Variants in CBFA2T3 observed in about 807,000 individuals in gnomAD.
CBFA2T3 encodes the protein transcriptional corepressor CBFA2T3.
A neutral mutation model predicts 58.6 loss-of-function variants in CBFA2T3; 31 were observed. That is an observed-to-expected ratio of 0.53 (90% confidence interval 0.40 to 0.71). CBFA2T3 has a LOEUF of 0.71. Among genes scored for constraint, CBFA2T3 ranks in the 30% least tolerant of loss-of-function variants. CBFA2T3 has a pLI of 0.00. For synonymous variants in CBFA2T3, 531 were observed against 421.9 expected (o/e 1.26, Z -3.17); for missense variants, 1,076 against 963.1 (o/e 1.12, Z -1.55).
chr16:88,878,771 C>A (rs1342151919), intron 11 of CBFA2T3, among the ~76,000 whole-genome samples: 1 of 152,224 alleles, frequency 6.6e-6, no homozygotes, highest in Admixed American at 6.5e-5. Context: ...CGTGGCAAAA[C>A]CCCATCTCTA....
chr16:88,915,332 C>T (rs55979336), intron 1 of CBFA2T3, among the ~76,000 whole-genome samples: 2,312 of 116,898 alleles, frequency 0.02, 182 homozygotes, highest in African/African-American at 0.074. Context: ...TGAGTGAATT[C>T]TCCAGTCTGA....
chr16:88,972,845 G>A (rs566849629), intron 1 of CBFA2T3, among the ~76,000 whole-genome samples: 1 of 152,356 alleles, frequency 6.6e-6, no homozygotes, highest in South Asian at 2.1e-4. Flanking sequence ...GGGTGCTGGG[G>A]ACCTTGGGAT....
Position 88,877,247 on chromosome 16 carries a change from C to A in CBFA2T3, c.1691G>T (p.Ser564Ile). The change falls in exon 12 of 12, where the codon AGT becomes ATT. Residue 564 changes from serine (S) to isoleucine (I), a missense_variant. Ser to Ile is a moderately radical substitution (Grantham distance 142). Transcript: ENST00000268679. Reference sequence around the variant, plus strand: ...CGCGTTGCAGCCGCTGCACGTCTCACTGGCTTTCCGCCCGCAGTTCCAGCA... The same window carrying A: ...CGCGTTGCAGCCGCTGCACGTCTCAATGGCTTTCCGCCCGCAGTTCCAGCA... The part of the protein sequence containing the change: ...ESCWNCGRKA[S>I]ETCSGCNAAR... 1 of 1,554,128 alleles carries A rather than the reference C, an allele frequency of 6.4e-7. No individual in the cohort carries two copies. Among genetic ancestry groups the A allele is most frequent in the Non-Finnish European group, 8.7e-7 (1 of 1,149,470 alleles).
At position 88,977,186 on chromosome 16, in the gene CBFA2T3, T is replaced by G. The variant is rs1411221978; in HGVS notation, c.-379A>C. 2 of 269,432 alleles carry G rather than the reference T, an allele frequency of 7.4e-6. No individual in the cohort carries two copies. The highest frequency in any genetic ancestry group is 1.1e-4 in the South Asian group (1 of 9,150). The allele number at this position is 269,432 out of a possible 1,614,324, so 16.7% of individuals were successfully genotyped here. On this transcript the variant is annotated 5_prime_UTR_variant, in exon 1 of 12. Coordinates refer to ENST00000268679, the MANE Select transcript of CBFA2T3 (RefSeq NM_005187.6). Reference sequence around the variant, plus strand: ...ATCTGGGGCCCTGCCCTGCGCGGCCTTCCCTCGGGCCATTCCGGTTTGACC... The same window carrying G: ...ATCTGGGGCCCTGCCCTGCGCGGCCGTCCCTCGGGCCATTCCGGTTTGACC...
At position 88,976,797 on chromosome 16, in the gene CBFA2T3, G is replaced by A. The variant is rs774055332; in HGVS notation, c.11C>T (p.Ser4Leu). 110 of 1,553,716 alleles carry A rather than the reference G, an allele frequency of 7.1e-5. No homozygotes were observed. The highest frequency in any genetic ancestry group is 8.9e-5 in the Non-Finnish European group (102 of 1,148,018). MPA[S>L]RLRDRAASSA... ...ACTGGCTGCCCTGTCCCTCAGTCTT[G>A]AAGCCGGCATGAGGAGGGCCACCCT... Residue 4 changes from serine to leucine, a missense_variant, in exon 1 of 12, where the codon TCA becomes TTA. Ser to Leu is a moderately radical substitution (Grantham distance 145). Coordinates refer to ENST00000268679, the MANE Select transcript of CBFA2T3 (RefSeq NM_005187.6).
At chr16:88,896,519 C>T (rs964977031) in intron 3 of CBFA2T3, among the ~76,000 whole-genome samples, 2 of 152,158 alleles carry the variant, frequency 1.3e-5, no homozygotes, top group African/African-American at 4.8e-5. Flanking sequence ...AGCCTCTGTC[C>T]GGAGGACCCC....
rs755014831 is a variant in CBFA2T3 at position 88,877,182 on chromosome 16, C to T, written c.1756G>A (p.Glu586Lys). Residue 586 changes from glutamate to lysine, a missense_variant, in exon 12 of 12, where the codon GAG (glutamate) becomes AAG (lysine). Coordinates refer to ENST00000268679, the MANE Select transcript of CBFA2T3 (RefSeq NM_005187.6). Reference protein sequence around the residue: ...CGSFCQHRDWEKHHHVCGQSL... With the variant: ...CGSFCQHRDWKKHHHVCGQSL... ...TGGCCACACACGTGGTGATGCTTCTCCCAGTCCCGATGCTGGCAGAAGGAC... is the reference window on the plus strand; with the variant it reads ...TGGCCACACACGTGGTGATGCTTCTTCCAGTCCCGATGCTGGCAGAAGGAC... The T allele has an allele frequency of 1.3e-6, 2 of 1,553,792 alleles. No homozygotes were observed. The highest frequency in any genetic ancestry group is 1.7e-6 in the Non-Finnish European group (2 of 1,149,160).
chr16:88,885,076 G>T lies in CBFA2T3; in HGVS notation c.1087C>A (p.Arg363=). The part of the protein sequence containing the change: ...FRDAYRHPDP[R]ELRERHRPLV... ...GGCCGATGGCGCTCTCGTAGCTCCC[G>T]GGGGTCTGGGTGGCGGTAGGCATCT... The change falls in exon 7 of 12, where the codon CGG becomes AGG. Residue 363 remains arginine, a synonymous_variant. Coordinates refer to ENST00000268679, the MANE Select transcript of CBFA2T3 (RefSeq NM_005187.6). The surrounding 1 kb of genome is among the most constrained non-coding windows in gnomAD (Gnocchi z 5.3). 1 of 1,601,192 alleles carries T rather than the reference G, an allele frequency of 6.2e-7. No individual in the cohort carries two copies.
chr16:88,915,002 G>A (rs1970646123), intron 1 of CBFA2T3, among the ~76,000 whole-genome samples: 1 of 149,024 alleles, frequency 6.7e-6, no homozygotes, highest in Non-Finnish European at 1.5e-5. Flanking sequence ...GTGGCTGCCA[G>A]CCGGGGGCAG....
intron 1 of CBFA2T3, among the ~76,000 whole-genome samples, chr16:88,930,522 G>C (rs1038371029): frequency 2.0e-5 from 3 of 151,788 alleles, no homozygotes; most frequent in African/African-American, 7.3e-5. Context: ...AGGGAAGGAG[G>C]CTCCCCACTA....
intron 1 of CBFA2T3, among the ~76,000 whole-genome samples, chr16:88,905,696 AGGAGGGGCGGGGCT>A (rs1368254587): frequency 0.013 from 1,076 of 85,898 alleles, 21 homozygotes; most frequent in Middle Eastern, 0.042. Flanking sequence ...GCGGGGCTGA[AGGAGGGGCGGGGCT>A]GGAGGGGCGG....
chr16:88,911,823 G>A (rs901208470), intron 1 of CBFA2T3, among the ~76,000 whole-genome samples: 1 of 152,264 alleles, frequency 6.6e-6, no homozygotes, highest in Admixed American at 6.5e-5. Context: ...GTGACACTGA[G>A]CATCAGTGTT....
chr16:88,885,338 G>T lies in CBFA2T3; in HGVS notation c.894-69C>A. On this transcript the variant is annotated intron_variant, in intron 6 of 11. Coordinates refer to ENST00000268679, the MANE Select transcript of CBFA2T3 (RefSeq NM_005187.6). This position sits in a 1 kb window ranked among gnomAD's most constrained non-coding sequence, Gnocchi z 5.3. ...GAACCGGGGACAGAGGTGCAGGTGGGGTGAGAGGCAGACAGGCAAGGGCAG... is the reference window on the plus strand; with the variant it reads ...GAACCGGGGACAGAGGTGCAGGTGGTGTGAGAGGCAGACAGGCAAGGGCAG... The T allele has an allele frequency of 8.9e-7, 1 of 1,125,952 alleles. No individual in the cohort carries two copies. Among genetic ancestry groups the T allele is most frequent in the Non-Finnish European group, 1.2e-6 (1 of 816,498 alleles). The allele number at this position is 1,125,952 out of a possible 1,614,324, so 69.7% of individuals were successfully genotyped here.
chr16:88,963,390 G>C (rs960163269), intron 1 of CBFA2T3, among the ~76,000 whole-genome samples: 1 of 151,094 alleles, frequency 6.6e-6, no homozygotes, highest in African/African-American at 2.4e-5. Flanking sequence ...GTGATAAACA[G>C]AACATAAAAT....
intron 2 of CBFA2T3, among the ~76,000 whole-genome samples, chr16:88,900,887 C>G (rs901138595): frequency 4.6e-5 from 7 of 152,270 alleles, no homozygotes; most frequent in Admixed American, 2.0e-4. Context: ...CGGCCAACCC[C>G]TTGCCAGGGC....
At chr16:88,967,774 G>A (rs1239177762) in intron 1 of CBFA2T3, among the ~76,000 whole-genome samples, 3 of 152,204 alleles carry the variant, frequency 2.0e-5, no homozygotes, top group East Asian at 1.9e-4. Flanking sequence ...GGGGCTCGTC[G>A]CGGCTCAGCC....
intron 1 of CBFA2T3, among the ~76,000 whole-genome samples, chr16:88,945,157 A>G (rs1283587666): frequency 2.0e-5 from 3 of 152,252 alleles, no homozygotes; most frequent in African/African-American, 7.2e-5. Flanking sequence ...AATGGATTCT[A>G]GATACCATAG....
Position 88,882,748 on chromosome 16 carries a change from G to A in CBFA2T3, c.1131C>T (p.Ser377=). Residue 377 remains serine, a synonymous_variant, in exon 8 of 12, where the codon TCC becomes TCT. Transcript: ENST00000268679. ...ERHRPLVVPG[S]RQEEVIDHKL... is the part of the protein sequence containing the mutation. ...TGTGGTCGATCACTTCTTCCTGCCG[G>A]GACCCAGGCACCACTGTGGATGGGG... 6.3e-7 allele frequency: 1 copy of A among 1,580,002 alleles called. No homozygotes were observed. The highest frequency in any genetic ancestry group is 1.7e-4 in the Middle Eastern group (1 of 6,032).
chr16:88,931,243 G>T (rs141638662), intron 1 of CBFA2T3, among the ~76,000 whole-genome samples: 151 of 152,172 alleles, frequency 9.9e-4, no homozygotes, highest in Non-Finnish European at 1.4e-3. Context: ...GGCAGGTAGC[G>T]GAGGCACTGC....
Sources: gnomAD v4.1 joint callset for allele counts (sites outside exome capture counted in the v4.1 genomes callset) on GRCh38, gnomAD v4.1.1 for gene constraint, Gnocchi (gnomAD v3.1) non-coding constraint, MANE v1.5 for transcripts, NCBI Gene and HGNC (gene_info 2026-07-23, HGNC 2026-07-21) for gene names.